The following MTUS2 variants were observed in gnomAD, a reference collection of about 807,000 sequenced individuals.
MTUS2 encodes microtubule-associated tumor suppressor candidate 2.
A neutral mutation model predicts 114.1 loss-of-function variants in MTUS2; 40 were observed. The observed-to-expected ratio is 0.35, with a 90% confidence interval of 0.27 to 0.46. The LOEUF (loss-of-function observed/expected upper bound fraction) is 0.46. Ranked by LOEUF, MTUS2 falls within the 20% of genes least tolerant of loss-of-function variation. The pLI is 1.00. For missense variants in MTUS2, 1,679 were observed against 1,705.4 expected (o/e 0.98, Z 0.27); for synonymous variants, 688 against 672.0 (o/e 1.02, Z -0.37).
intron 5 of MTUS2, among the ~76,000 whole-genome samples, chr13:29,236,750 A>T (rs1410793008): frequency 6.6e-6 from 1 of 152,172 alleles, no homozygotes; most frequent in Non-Finnish European, 1.5e-5. Flanking sequence ...AGGAGGTGAG[A>T]TGCTCCTGCC....
intron 4 of MTUS2, among the ~76,000 whole-genome samples, chr13:29,094,037 T>C (rs1890074431): frequency 6.6e-6 from 1 of 152,192 alleles, no homozygotes; most frequent in South Asian, 2.1e-4. Flanking sequence ...AAAACCGATC[T>C]TGCATTCCTA....
intron 2 of MTUS2, among the ~76,000 whole-genome samples, chr13:28,890,688 A>G (rs536430671): frequency 6.6e-6 from 1 of 152,342 alleles, no homozygotes; most frequent in African/African-American, 2.4e-5. Context: ...ATTAGATTTT[A>G]TTAGTGGGAT....
chr13:28,907,684 A>G (rs1392715513), intron 2 of MTUS2, among the ~76,000 whole-genome samples: 1 of 151,654 alleles, frequency 6.6e-6, no homozygotes, highest in Non-Finnish European at 1.5e-5. Flanking sequence ...AAAGGGATCA[A>G]TTCAACAAAA....
intron 2 of MTUS2, among the ~76,000 whole-genome samples, chr13:28,868,490 T>C (rs1877431525): frequency 6.6e-6 from 1 of 152,192 alleles, no homozygotes; most frequent in Admixed American, 6.5e-5. Context: ...TGTCTGTTTA[T>C]GGTGCTCCTC....
chr13:28,833,579 A>T (rs1203368875), intron 1 of MTUS2, among the ~76,000 whole-genome samples: 1 of 152,166 alleles, frequency 6.6e-6, no homozygotes. Flanking sequence ...AATGAAGGGA[A>T]TCTATGAAAA....
chr13:29,343,323 A>T (rs1203827689), intron 7 of MTUS2, among the ~76,000 whole-genome samples: 2 of 151,964 alleles, frequency 1.3e-5, no homozygotes, highest in Non-Finnish European at 1.5e-5. Context: ...TTATCATTTC[A>T]ATCTTGCTGC....
chr13:29,489,488 A>G (rs1881900064), intron 11 of MTUS2: 1 of 152,136 alleles, frequency 6.6e-6, no homozygotes, highest in African/African-American at 2.4e-5. Context: ...AAGGGATGGT[A>G]TTTTCCTGGG....
chr13:29,193,021 T>C (rs1593582671), intron 5 of MTUS2, among the ~76,000 whole-genome samples: 2 of 152,334 alleles, frequency 1.3e-5, no homozygotes, highest in Admixed American at 1.3e-4. Flanking sequence ...CATCCATGAT[T>C]AACTCTGGGG....
chr13:29,113,229 A>C (rs1471171625), intron 5 of MTUS2, among the ~76,000 whole-genome samples: 1 of 152,104 alleles, frequency 6.6e-6, no homozygotes, highest in African/African-American at 2.4e-5. Flanking sequence ...TTGAAGAGGG[A>C]TGTATGCAGC....
intron 6 of MTUS2, chr13:29,307,628 C>A: frequency 8.6e-7 from 1 of 1,166,686 alleles, no homozygotes; most frequent in Non-Finnish European, 1.3e-6. Flanking sequence ...CTTGTCTCCT[C>A]TGACTTCAAC....
At chr13:29,082,478 G>GGC (rs1889487736) in intron 4 of MTUS2, among the ~76,000 whole-genome samples, 1 of 152,176 alleles carries the variant, frequency 6.6e-6, no homozygotes, top group Non-Finnish European at 1.5e-5. Context: ...GATTGCAAGT[G>GGC]GCTCCTTACA....
chr13:29,095,270 G>C (rs1890129981), intron 4 of MTUS2, among the ~76,000 whole-genome samples: 1 of 152,024 alleles, frequency 6.6e-6, no homozygotes, highest in South Asian at 2.1e-4. Context: ...CTATTATTTT[G>C]AATTGTTTAT....
At chr13:28,972,104 TGAG>T (rs1883884930) in intron 2 of MTUS2, among the ~76,000 whole-genome samples, 1 of 152,172 alleles carries the variant, frequency 6.6e-6, no homozygotes, top group African/African-American at 2.4e-5. Flanking sequence ...GAACAACTAT[TGAG>T]GAGAAAGAAA....
intron 5 of MTUS2, among the ~76,000 whole-genome samples, chr13:29,127,879 C>T (rs913673601): frequency 6.6e-6 from 1 of 152,178 alleles, no homozygotes; most frequent in Non-Finnish European, 1.5e-5. Flanking sequence ...GTGTATTCAA[C>T]AGATGTTTAT....
At chr13:29,381,485 C>A (rs184377090) in intron 8 of MTUS2, among the ~76,000 whole-genome samples, 1 of 152,272 alleles carries the variant, frequency 6.6e-6, no homozygotes, top group East Asian at 1.9e-4. Flanking sequence ...CTAACATTTA[C>A]ATATGTTTAC....
intron 8 of MTUS2, among the ~76,000 whole-genome samples, chr13:29,379,080 T>G (rs951720089): frequency 6.6e-6 from 1 of 152,178 alleles, no homozygotes; most frequent in Admixed American, 6.5e-5. Flanking sequence ...TGCTTCCCCC[T>G]CCACCATCAT....
chr13:29,158,358 C>CCCCCCCCTTTCTTTT, intron 5 of MTUS2, among the ~76,000 whole-genome samples: 1 of 32,048 alleles, frequency 3.1e-5, no homozygotes, highest in African/African-American at 2.1e-4. Flanking sequence ...GTCCACCCCG[C>CCCCCCCCTTTCTTTT]TTTTTTTTTT....
chr13:29,090,231 A>C (rs1889877538), intron 4 of MTUS2, among the ~76,000 whole-genome samples: 1 of 152,208 alleles, frequency 6.6e-6, no homozygotes, highest in Non-Finnish European at 1.5e-5. Flanking sequence ...TGCATGCTCT[A>C]ACCCTGGGGA....
chr13:29,063,310 A>G (rs577648563), intron 4 of MTUS2, among the ~76,000 whole-genome samples: 19 of 152,222 alleles, frequency 1.2e-4, no homozygotes, highest in Non-Finnish European at 2.6e-4. Context: ...GGTAAATGCA[A>G]CTAAAATAAA....
Sources: allele counts gnomAD v4.1 joint callset (sites outside exome capture counted in the v4.1 genomes callset), GRCh38; gene constraint gnomAD v4.1.1; transcripts MANE v1.5; gene names NCBI Gene and HGNC (gene_info 2026-07-23, HGNC 2026-07-21).